Variants in CNTNAP2 observed in about 807,000 individuals in gnomAD.
CNTNAP2 encodes contactin-associated protein-like 2.
A neutral mutation model predicts 155.2 loss-of-function variants in CNTNAP2; 98 were observed. The observed-to-expected ratio is 0.63, with a 90% CI of 0.54 to 0.75. The LOEUF (loss-of-function observed/expected upper bound fraction) is 0.75. CNTNAP2 is among the 30% of genes least tolerant of loss of function. The probability of loss-of-function intolerance (pLI) is 0.00; values close to 1 mark genes in which losing one functional copy is unlikely to be tolerated. For missense variants in CNTNAP2, 1,727 were observed against 1,688.1 expected, an observed-to-expected ratio of 1.02 and a Z score of -0.40; for synonymous variants, 651 against 631.2, an observed-to-expected ratio of 1.03 and a Z score of -0.47.
intron 8 of CNTNAP2, among the ~76,000 whole-genome samples, chr7:147,195,308 G>A (rs71599486): frequency 6.6e-6 from 1 of 152,156 alleles, no homozygotes; most frequent in African/African-American, 2.4e-5. Flanking sequence ...GTACCATGCT[G>A]TTTTGGTTAC....
chr7:147,499,753 G>A (rs552255132), intron 11 of CNTNAP2, among the ~76,000 whole-genome samples: 1 of 152,196 alleles, frequency 6.6e-6, no homozygotes, highest in Non-Finnish European at 1.5e-5. Context: ...AGAGTGGGTG[G>A]GGAGAAAAGG....
intron 1 of CNTNAP2, among the ~76,000 whole-genome samples, chr7:146,585,409 C>T (rs1003584311): frequency 2.0e-5 from 3 of 152,102 alleles, no homozygotes; most frequent in South Asian, 2.1e-4. Context: ...TGTGAGCTAC[C>T]GCACCCGGCC....
At chr7:147,308,338 C>G (rs941139796) in intron 9 of CNTNAP2, among the ~76,000 whole-genome samples, 1 of 152,134 alleles carries the variant, frequency 6.6e-6, no homozygotes, top group African/African-American at 2.4e-5. Context: ...AAAACAGTCT[C>G]TCAGGCTGCT....
intron 9 of CNTNAP2, among the ~76,000 whole-genome samples, chr7:147,360,149 C>G (rs944136143): frequency 1.7e-4 from 26 of 152,124 alleles, no homozygotes; most frequent in African/African-American, 6.3e-4. Flanking sequence ...TTATGCATGG[C>G]TTCAAGCTTT....
At chr7:146,471,804 C>T (rs186306506) in intron 1 of CNTNAP2, among the ~76,000 whole-genome samples, 1,553 of 152,280 alleles carry the variant, frequency 0.01, 14 homozygotes, top group South Asian at 0.023. Flanking sequence ...TGAGTGTTGG[C>T]TATTGCCTAA....
At chr7:148,356,122 A>T (rs1383465235) in intron 21 of CNTNAP2, among the ~76,000 whole-genome samples, 1 of 146,000 alleles carries the variant, frequency 6.8e-6, no homozygotes, top group East Asian at 2.0e-4. Flanking sequence ...ACTTTTAAAA[A>T]TTTTCCTATT....
intron 1 of CNTNAP2, among the ~76,000 whole-genome samples, chr7:146,583,370 A>C (rs1440641449): frequency 1.3e-5 from 2 of 152,174 alleles, no homozygotes; most frequent in African/African-American, 4.8e-5. Context: ...ATTGTAGTTC[A>C]ATCAGTTTTC....
At chr7:147,351,639 A>G (rs899102361) in intron 9 of CNTNAP2, among the ~76,000 whole-genome samples, 15 of 151,820 alleles carry the variant, frequency 9.9e-5, no homozygotes, top group African/African-American at 3.6e-4. Flanking sequence ...ATAACATGTA[A>G]ATTGCAAGCA....
At chr7:147,112,213 T>C (rs1198412191) in intron 5 of CNTNAP2, among the ~76,000 whole-genome samples, 4 of 152,206 alleles carry the variant, frequency 2.6e-5, no homozygotes, top group African/African-American at 9.6e-5. Context: ...GTGATTTTTA[T>C]ACATTGATTT....
intron 1 of CNTNAP2, among the ~76,000 whole-genome samples, chr7:146,582,404 G>A (rs759175855): frequency 2.0e-5 from 3 of 152,050 alleles, no homozygotes; most frequent in South Asian, 2.1e-4. Context: ...TTCACTTTGG[G>A]CAGCCTTAGA....
chr7:147,761,294 CA>C (rs1376389411), intron 13 of CNTNAP2, among the ~76,000 whole-genome samples: 1 of 152,132 alleles, frequency 6.6e-6, no homozygotes, highest in Non-Finnish European at 1.5e-5. Flanking sequence ...TAGTAGATTC[CA>C]ATCAAGATTT....
intron 1 of CNTNAP2, among the ~76,000 whole-genome samples, chr7:146,679,102 C>A (rs12535477): frequency 0.59 from 89,994 of 152,030 alleles, 30,987 homozygotes; most frequent in South Asian, 0.85. Context: ...ATTATTTCAT[C>A]ACCTAAATAT....
chr7:147,262,205 C>T (rs1419846265), intron 8 of CNTNAP2, among the ~76,000 whole-genome samples: 1 of 152,180 alleles, frequency 6.6e-6, no homozygotes, highest in Admixed American at 6.5e-5. Flanking sequence ...TTTTACAACA[C>T]ACTTTGAAAC....
At chr7:146,898,839 T>C (rs193044345) in intron 3 of CNTNAP2, among the ~76,000 whole-genome samples, 29 of 152,148 alleles carry the variant, frequency 1.9e-4, no homozygotes, top group Admixed American at 1.6e-3. Flanking sequence ...GCCAGCCCTC[T>C]CTACTTTTTA....
At chr7:147,690,730 A>T (rs950967797) in intron 13 of CNTNAP2, among the ~76,000 whole-genome samples, 11 of 151,920 alleles carry the variant, frequency 7.2e-5, no homozygotes, top group Non-Finnish European at 1.5e-5. Context: ...AGAATCATTT[A>T]TAAAACTTTT....
chr7:147,083,539 T>C (rs200639572), intron 4 of CNTNAP2, among the ~76,000 whole-genome samples: 1,612 of 30,442 alleles, frequency 0.053, 86 homozygotes, highest in Admixed American at 0.25. Context: ...TATATATACA[T>C]ATATATATAT....
chr7:148,151,371 T>G (rs183541628), intron 17 of CNTNAP2, among the ~76,000 whole-genome samples: 1 of 152,120 alleles, frequency 6.6e-6, no homozygotes, highest in South Asian at 2.1e-4. Context: ...AGTGGCGTGA[T>G]CTCAGCTCAC....
chr7:146,968,163 C>A (rs1413637993), intron 3 of CNTNAP2, among the ~76,000 whole-genome samples: 6 of 151,414 alleles, frequency 4.0e-5, no homozygotes, highest in African/African-American at 1.5e-4. Flanking sequence ...ATGAAGCCCA[C>A]TTGATCATGG....
chr7:146,961,875 C>T (rs140238453), intron 3 of CNTNAP2, among the ~76,000 whole-genome samples: 16 of 152,258 alleles, frequency 1.1e-4, no homozygotes, highest in Admixed American at 3.9e-4. Context: ...CTGAAATCAC[C>T]ATGGTGCCAG....
Sources: allele counts gnomAD v4.1 joint callset (sites outside exome capture counted in the v4.1 genomes callset), GRCh38; gene constraint gnomAD v4.1.1; transcripts MANE v1.5; gene names NCBI Gene and HGNC (gene_info 2026-07-23, HGNC 2026-07-21).